CDH4: variants seen among roughly 807,000 people sequenced by gnomAD.
The protein encoded by CDH4 is cadherin-4.
In CDH4, 33 loss-of-function variants were observed where a neutral mutation model predicts 86.0. That is an observed-to-expected ratio of 0.38 (90% CI 0.29 to 0.51). The LOEUF (loss-of-function observed/expected upper bound fraction) is 0.51. CDH4 is among the 20% of genes least tolerant of loss of function. CDH4 has a pLI of 0.86. For missense variants in CDH4, 1,114 were observed against 1,307.4 expected (o/e 0.85, Z 2.28); for synonymous variants, 555 against 549.4 (o/e 1.01, Z -0.14).
intron 2 of CDH4, among the ~76,000 whole-genome samples, chr20:61,739,545 C>T (rs1374763728): frequency 6.6e-6 from 1 of 152,254 alleles, no homozygotes; most frequent in Admixed American, 6.5e-5. Flanking sequence ...ACATCCCAGC[C>T]AGGCCTGAGC....
At chr20:61,912,855 C>T (rs911340573) in intron 9 of CDH4, among the ~76,000 whole-genome samples, 6 of 152,202 alleles carry the variant, frequency 3.9e-5, no homozygotes, top group Non-Finnish European at 8.8e-5. Context: ...TTTCTCTGGG[C>T]GCATTTGACC....
intron 2 of CDH4, among the ~76,000 whole-genome samples, chr20:61,294,590 C>T (rs2084341868): frequency 6.6e-6 from 1 of 152,254 alleles, no homozygotes; most frequent in South Asian, 2.1e-4. Context: ...GTTCATTCCA[C>T]TGTGGGACCC....
intron 2 of CDH4, among the ~76,000 whole-genome samples, chr20:61,490,680 C>T (rs1226126499): frequency 6.6e-6 from 1 of 151,876 alleles, no homozygotes; most frequent in Non-Finnish European, 1.5e-5. Flanking sequence ...GCCTGGGCAA[C>T]AGGGTGAGAC....
At chr20:61,830,631 G>C (rs555099212) in intron 4 of CDH4, among the ~76,000 whole-genome samples, 36 of 152,354 alleles carry the variant, frequency 2.4e-4, no homozygotes, top group African/African-American at 7.0e-4. Context: ...ACGCCCTAGC[G>C]TGTGCTCCGG....
At chr20:61,772,909 T>G in intron 3 of CDH4, 94 bp from the exon 4 acceptor site, 1 of 1,095,130 alleles carries the variant, frequency 9.1e-7, no homozygotes, top group Non-Finnish European at 1.3e-6. Flanking sequence ...CCTCTCAGTC[T>G]CGGGCAGTAC....
chr20:61,845,642 T>C (rs1982418100), intron 5 of CDH4, among the ~76,000 whole-genome samples: 1 of 152,236 alleles, frequency 6.6e-6, no homozygotes, highest in Non-Finnish European at 1.5e-5. Context: ...GCAGATGCTG[T>C]CGCCTCTCCT....
intron 2 of CDH4, among the ~76,000 whole-genome samples, chr20:61,618,042 C>G (rs533411645): frequency 1.3e-5 from 2 of 152,124 alleles, no homozygotes; most frequent in East Asian, 3.9e-4. Flanking sequence ...GCCACGATTG[C>G]GAGGCCTCCC....
intron 2 of CDH4, among the ~76,000 whole-genome samples, chr20:61,330,756 C>G (rs562501986): frequency 6.6e-6 from 1 of 152,284 alleles, no homozygotes; most frequent in African/African-American, 2.4e-5. Flanking sequence ...AAGTGACTTT[C>G]GTATAAGAGC....
At chr20:61,454,421 CA>C (rs1182234144) in intron 2 of CDH4, among the ~76,000 whole-genome samples, 1 of 152,116 alleles carries the variant, frequency 6.6e-6, no homozygotes, top group Non-Finnish European at 1.5e-5. Context: ...GAGTAGGAGT[CA>C]GGGGGAACAG....
chr20:61,726,704 C>T (rs1213797092), intron 2 of CDH4, among the ~76,000 whole-genome samples: 1 of 151,390 alleles, frequency 6.6e-6, no homozygotes, highest in Non-Finnish European at 1.5e-5. Context: ...ACCATTGGTG[C>T]TATCATCATC....
chr20:61,385,269 G>A (rs2084944620), intron 2 of CDH4, among the ~76,000 whole-genome samples: 1 of 152,126 alleles, frequency 6.6e-6, no homozygotes, highest in African/African-American at 2.4e-5. Context: ...TGAAGTGGCA[G>A]CGTTCTGCGA....
chr20:61,824,033 A>T (rs1981191847), intron 4 of CDH4, among the ~76,000 whole-genome samples: 1 of 152,232 alleles, frequency 6.6e-6, no homozygotes, highest in South Asian at 2.1e-4. Flanking sequence ...ACTGTTAAAC[A>T]CGTCAGCCTA....
chr20:61,300,168 G>A, intron 2 of CDH4, among the ~76,000 whole-genome samples: 1 of 152,146 alleles, frequency 6.6e-6, no homozygotes, highest in Non-Finnish European at 1.5e-5. Flanking sequence ...TAAAGCAGGT[G>A]GTGAGATCCC....
chr20:61,656,768 A>G (rs6142822), intron 2 of CDH4, among the ~76,000 whole-genome samples: 53,781 of 152,124 alleles, frequency 0.35, 9,681 homozygotes, highest in East Asian at 0.57. Flanking sequence ...TGCCAAAGGC[A>G]GGGGTCCATT....
chr20:61,883,282 G>A (rs991837855), intron 7 of CDH4, among the ~76,000 whole-genome samples: 4 of 152,056 alleles, frequency 2.6e-5, no homozygotes, highest in Non-Finnish European at 5.9e-5. Flanking sequence ...TTTTCTACAC[G>A]GCCTCTGTCC....
intron 2 of CDH4, among the ~76,000 whole-genome samples, chr20:61,508,306 C>T (rs943508990): frequency 6.6e-6 from 1 of 152,214 alleles, no homozygotes; most frequent in East Asian, 1.9e-4. Context: ...GGGACAGGAG[C>T]CTGGAGAGGT....
intron 2 of CDH4, among the ~76,000 whole-genome samples, chr20:61,527,094 G>A (rs928904788): frequency 6.6e-6 from 1 of 152,226 alleles, no homozygotes; most frequent in African/African-American, 2.4e-5. Context: ...AACTTTTCAT[G>A]AACTACGCGC....
intron 15 of CDH4, 139 bp downstream of exon 15, chr20:61,934,359 C>A: frequency 1.2e-6 from 1 of 863,918 alleles, no homozygotes; most frequent in Non-Finnish European, 1.7e-6. Flanking sequence ...GGTTCCAGGC[C>A]CTGCTCTGCC....
At chr20:61,855,895 G>A (rs953648805) in intron 6 of CDH4, among the ~76,000 whole-genome samples, 7 of 152,198 alleles carry the variant, frequency 4.6e-5, no homozygotes, top group Non-Finnish European at 1.0e-4. Context: ...CAGAGCCCCT[G>A]GGGGATCGGG....
Sources: allele counts gnomAD v4.1 joint callset (sites outside exome capture counted in the v4.1 genomes callset), GRCh38; gene constraint gnomAD v4.1.1; transcripts MANE v1.5; gene names NCBI Gene and HGNC (gene_info 2026-07-23, HGNC 2026-07-21).